Variants in ASCC3 observed in about 807,000 individuals in gnomAD.
The protein encoded by ASCC3 is activating signal cointegrator 1 complex subunit 3.
In ASCC3, 158 loss-of-function variants were observed where a neutral mutation model predicts 256.3. The observed-to-expected ratio is 0.62, with a 90% CI of 0.54 to 0.70. The LOEUF (loss-of-function observed/expected upper bound fraction) is 0.70. ASCC3 is among the 30% of genes least tolerant of loss of function. The pLI, the probability that ASCC3 is intolerant of heterozygous loss-of-function variation, is 0.00. For missense variants in ASCC3, 2,259 were observed against 2,626.0 expected (o/e 0.86, Z 3.05); for synonymous variants, 948 against 883.4 (o/e 1.07, Z -1.30).
chr6:100,611,467 A>G (rs573117542), intron 30 of ASCC3, among the ~76,000 whole-genome samples: 1 of 152,218 alleles, frequency 6.6e-6, no homozygotes, highest in Admixed American at 6.5e-5. Context: ...AAAAGTATTC[A>G]GGAACTTAGG....
chr6:100,630,537 T>C (rs1296938029), intron 26 of ASCC3, among the ~76,000 whole-genome samples: 1 of 151,616 alleles, frequency 6.6e-6, no homozygotes, highest in Non-Finnish European at 1.5e-5. Flanking sequence ...AAAAAATTCA[T>C]ATAGTTTTTT....
In ASCC3 at chr6:100,819,559, G is replaced by A. The variant is rs9688464; in HGVS notation, c.802-13679C>T. On this transcript the variant is annotated intron_variant, in intron 4 of 41. Transcript: ENST00000369162. ...GGCAGCCTTCAATCTGTGGCAGAAG[G>A]CCCAGGAGCCCCTGGCAAGCCACTG... Among the ~76,000 whole-genome samples the A allele has an allele frequency of 5.0e-3, 762 of 152,152 alleles. 6 individuals are homozygous for A. The highest frequency in any genetic ancestry group is 0.018 in the African/African-American group (732 of 41,512).
chr6:100,537,770 A>G (rs944635753), intron 37 of ASCC3, among the ~76,000 whole-genome samples: 38 of 151,878 alleles, frequency 2.5e-4, no homozygotes, highest in African/African-American at 9.2e-4. Flanking sequence ...ATTATCTACA[A>G]TGAAGCATAC....
At chr6:100,732,697 T>C (rs962250685) in intron 10 of ASCC3, among the ~76,000 whole-genome samples, 1 of 123,310 alleles carries the variant, frequency 8.1e-6, no homozygotes, top group Non-Finnish European at 1.8e-5. Flanking sequence ...AGTTATACTT[T>C]GAGAAAATAT....
chr6:100,586,462 C>T (rs1019700264), intron 36 of ASCC3, among the ~76,000 whole-genome samples: 1 of 152,154 alleles, frequency 6.6e-6, no homozygotes, highest in African/African-American at 2.4e-5. Context: ...GTGGGAGCGA[C>T]CCGATTTTCC....
At chr6:100,575,272 T>C (rs574636541) in intron 36 of ASCC3, among the ~76,000 whole-genome samples, 1 of 152,238 alleles carries the variant, frequency 6.6e-6, no homozygotes, top group East Asian at 1.9e-4. Flanking sequence ...GTCCTTTTTA[T>C]TTAGTTTTAA....
rs374661172 is a variant in ASCC3, at chr6:100,687,011, ATCTC to A, written c.2152-7263_2152-7260del. ...CGTAGTTCATTTTTTCTGTACTTAA[ATCTC>A]TCTCTCTCTCTCTCTCTCTCACACA... On this transcript the variant is annotated intron_variant, in intron 13 of 41. Transcript: ENST00000369162. Among the ~76,000 whole-genome samples the A allele has an allele frequency of 3.1e-3, 445 of 141,496 alleles. 5 individuals are homozygous for A. Among genetic ancestry groups the A allele is most frequent in the African/African-American group, 7.2e-3 (272 of 37,628 alleles). 92.8% of individuals were successfully genotyped at this position (141,496 alleles called of 152,430 possible).
At chr6:100,687,096 A>G (rs988322094) in intron 13 of ASCC3, among the ~76,000 whole-genome samples, 4 of 151,604 alleles carry the variant, frequency 2.6e-5, no homozygotes, top group African/African-American at 9.7e-5. Flanking sequence ...ACACACAGAG[A>G]TGTCCATAAT....
At chr6:100,859,893 A>G (rs1288706191) in intron 3 of ASCC3, among the ~76,000 whole-genome samples, 2 of 152,024 alleles carry the variant, frequency 1.3e-5, no homozygotes, top group Non-Finnish European at 2.9e-5. Context: ...ATACTATAGT[A>G]AAATCATTAG....
At chr6:100,736,063 G>A (rs1393092147) in intron 10 of ASCC3, among the ~76,000 whole-genome samples, 2 of 152,146 alleles carry the variant, frequency 1.3e-5, no homozygotes. Flanking sequence ...ACAATGCCTG[G>A]AAGTGGTCTG....
At chr6:100,681,401 A>G (rs975949210) in intron 13 of ASCC3, among the ~76,000 whole-genome samples, 6 of 152,092 alleles carry the variant, frequency 3.9e-5, no homozygotes, top group African/African-American at 1.4e-4. Flanking sequence ...TTATTTACTG[A>G]TACTAATAGG....
intron 33 of ASCC3, among the ~76,000 whole-genome samples, chr6:100,602,214 G>T: frequency 6.6e-6 from 1 of 151,894 alleles, no homozygotes. Flanking sequence ...GTACATATAT[G>T]TGTTCTCATT....
chr6:100,545,739 G>C (rs1394921987), intron 36 of ASCC3, among the ~76,000 whole-genome samples: 1 of 152,046 alleles, frequency 6.6e-6, no homozygotes, highest in African/African-American at 2.4e-5. Flanking sequence ...CACCATGCTT[G>C]GCTAATTAAA....
At chr6:100,848,763 G>C (rs574865403) in intron 3 of ASCC3, 56 bp from the exon 4 acceptor site, 15 of 1,547,520 alleles carry the variant, frequency 9.7e-6, no homozygotes, top group South Asian at 8.9e-5. Context: ...TTCAAGTTAC[G>C]ATCTTCCAAA....
Position 100,606,869 on chromosome 6 carries a change from CA to C in ASCC3, c.4924-10del. ...CTTGTAGCAATAAGAACCTAAAAAG[CA>C]AAATAAAATATCTTATATCTAAGTA... is the stretch of plus-strand genomic sequence containing the variant. On this transcript the variant is annotated splice_polypyrimidine_tract_variant and intron_variant, in intron 31 of 41. Coordinates refer to ENST00000369162, the MANE Select transcript of ASCC3 (RefSeq NM_006828.4). 1 of 1,610,404 alleles carries C rather than the reference CA, an allele frequency of 6.2e-7. No individual in the cohort carries two copies. Among genetic ancestry groups the C allele is most frequent in the Non-Finnish European group, 8.5e-7 (1 of 1,178,394 alleles).
At chr6:100,763,683 T>C (rs540744592) in intron 10 of ASCC3, among the ~76,000 whole-genome samples, 2 of 152,346 alleles carry the variant, frequency 1.3e-5, no homozygotes, top group East Asian at 1.9e-4. Context: ...TTTGATCATG[T>C]GTACACAGGA....
rs573729182 is a variant in ASCC3 at position 100,800,015 on chromosome 6, T to C, written c.1127+285A>G. ...ATCTCAAATAAATTTATGTAAGCTA[T>C]ATAAATCTTAACCTAGTGGTGTGTA... On this transcript the variant is annotated intron_variant, in intron 6 of 41. Transcript: ENST00000369162. Among the ~76,000 whole-genome samples the C allele has an allele frequency of 3.3e-5, 5 of 152,160 alleles. No individual in the cohort carries two copies. In the South Asian group the frequency reaches 1.0e-3, roughly 32 times the overall value.
At chr6:100,767,052 T>C (rs1781690104) in intron 9 of ASCC3, 93 bp downstream of exon 9, 1 of 1,278,200 alleles carries the variant, frequency 7.8e-7, no homozygotes, top group Non-Finnish European at 1.1e-6. Context: ...GTACAATATC[T>C]TTAAGAACTT....
chr6:100,522,272 C>A (rs962799129), intron 37 of ASCC3, among the ~76,000 whole-genome samples: 2 of 151,964 alleles, frequency 1.3e-5, no homozygotes, highest in Admixed American at 6.6e-5. Flanking sequence ...GTTGTTGATT[C>A]GGAATTGTTT....
Sources: allele counts gnomAD v4.1 joint callset (sites outside exome capture counted in the v4.1 genomes callset), GRCh38; gene constraint gnomAD v4.1.1; transcripts MANE v1.5; gene names NCBI Gene and HGNC (gene_info 2026-07-23, HGNC 2026-07-21).